The following USH2A variants were observed in gnomAD, a reference collection of about 807,000 sequenced individuals.
The protein encoded by USH2A is Usher syndrome 2A (autosomal recessive, mild).
USH2A carries 443 observed loss-of-function variants against 538.9 expected under a neutral mutation model. The ratio of observed to expected loss-of-function variants is 0.82; its 90% CI spans 0.76 to 0.89. The LOEUF is 0.89. Ranked by LOEUF, USH2A falls within the 40% of genes least tolerant of loss-of-function variation. The probability of loss-of-function intolerance (pLI) is 0.00; values close to 1 mark genes in which losing one functional copy is unlikely to be tolerated. For missense variants in USH2A, 6,633 were observed against 6,324.8 expected (o/e 1.05, Z -1.65); for synonymous variants, 2,413 against 2,273.5 (o/e 1.06, Z -1.75).
intron 4 of USH2A, among the ~76,000 whole-genome samples, chr1:216,352,331 T>C (rs981964914): frequency 1.3e-5 from 2 of 151,496 alleles, no homozygotes; most frequent in Non-Finnish European, 2.9e-5. Context: ...GATGATGGAG[T>C]GTTAGATGCC....
intron 49 of USH2A, 132 bp from the exon 50 acceptor site, chr1:215,799,257 T>C (rs1662243704): frequency 1.8e-6 from 2 of 1,136,402 alleles, no homozygotes; most frequent in Non-Finnish European, 2.5e-6. Context: ...TAATATCATA[T>C]TGGAGTTGCA....
rs147514224 is a variant in USH2A, at chr1:215,974,546, A to G, written c.6806-3770T>C. ...TCTATTGTCATCTTTATGTCCATGAATACCCAATGTTTAGCTCCCACTTAT... is the reference window on the plus strand; with the variant it reads ...TCTATTGTCATCTTTATGTCCATGAGTACCCAATGTTTAGCTCCCACTTAT... On this transcript the variant is annotated intron_variant, in intron 35 of 71. Coordinates refer to ENST00000307340, the MANE Select transcript of USH2A (RefSeq NM_206933.4). 3.7e-3 allele frequency among the ~76,000 whole-genome samples: 570 copies of G among 152,184 alleles called. 3 individuals are homozygous for G. The highest frequency in any genetic ancestry group is 6.8e-3 in the Middle Eastern group (2 of 294).
chr1:216,281,071 T>A (rs1202040515), intron 11 of USH2A, among the ~76,000 whole-genome samples: 1 of 152,220 alleles, frequency 6.6e-6, no homozygotes, highest in Non-Finnish European at 1.5e-5. Flanking sequence ...TTTATAACAT[T>A]ATTTAGGTAA....
At chr1:216,143,586 G>T (rs772933117) in intron 21 of USH2A, among the ~76,000 whole-genome samples, 2 of 152,020 alleles carry the variant, frequency 1.3e-5, no homozygotes, top group Non-Finnish European at 1.5e-5. Context: ...GTTTTTTAAA[G>T]AACCCAATAA....
rs1663780999 is a variant in USH2A at position 215,844,401 on chromosome 1, T to C, written c.9151A>G (p.Thr3051Ala). Residue 3051 changes from threonine to alanine, a missense_variant, in exon 46 of 72, where the codon ACT (threonine) becomes GCT (alanine). Thr to Ala is a moderately conservative substitution (Grantham distance 58). Transcript: ENST00000307340. ...TTATTTACATAGATAGAATACTCAG[T>C]GACAACACCATTTGGGTTTGAAGGA... is the stretch of plus-strand genomic sequence containing the variant. The part of the protein sequence containing the change: ...TSPSNPNGVV[T>A]EYSIYVNNKL... The C allele has an allele frequency of 6.2e-7, 1 of 1,613,602 alleles. No individual in the cohort carries two copies.
intron 46 of USH2A, among the ~76,000 whole-genome samples, chr1:215,839,804 C>T: frequency 6.6e-6 from 1 of 151,906 alleles, no homozygotes; most frequent in East Asian, 1.9e-4. Flanking sequence ...AGAGGTAAAA[C>T]TGAATAAAAA....
At chr1:216,092,678 T>C (rs1306202558) in intron 22 of USH2A, among the ~76,000 whole-genome samples, 2 of 152,126 alleles carry the variant, frequency 1.3e-5, no homozygotes, top group Non-Finnish European at 2.9e-5. Flanking sequence ...GAGTATAAAT[T>C]CATTGGAAGT....
At chr1:215,632,218 G>A (rs894994926) in intron 70 of USH2A, among the ~76,000 whole-genome samples, 2 of 151,882 alleles carry the variant, frequency 1.3e-5, no homozygotes, top group African/African-American at 2.4e-5. Context: ...GTGAGCCACC[G>A]AGCCTGGCCC....
chr1:216,410,481 T>C (rs1413058116), intron 3 of USH2A, among the ~76,000 whole-genome samples: 1 of 152,014 alleles, frequency 6.6e-6, no homozygotes, highest in African/African-American at 2.4e-5. Flanking sequence ...ACTGATATTT[T>C]CTTTTGTTAC....
chr1:215,867,012 T>G lies in USH2A; in HGVS notation c.8840A>C (p.Lys2947Thr). The G allele has an allele frequency of 6.2e-7, 1 of 1,614,116 alleles. No homozygotes were observed. Among genetic ancestry groups the G allele is most frequent in the African/African-American group, 1.3e-5 (1 of 75,042 alleles). Residue 2947 changes from lysine to threonine, a missense_variant, in exon 44 of 72, where the codon AAA (lysine) becomes ACA (threonine). Coordinates refer to ENST00000307340, the MANE Select transcript of USH2A (RefSeq NM_206933.4). ...GGTATGAGAAGCTTACTTACTTGGTTTAGCCCACCTCACGTCGATGGCTGT... is the reference window on the plus strand; with the variant it reads ...GGTATGAGAAGCTTACTTACTTGGTGTAGCCCACCTCACGTCGATGGCTGT... ...NHTAIDVRWA[K>T]PTVQDLQGEV...
intron 21 of USH2A, among the ~76,000 whole-genome samples, chr1:216,160,229 G>A (rs2102628057): frequency 6.6e-6 from 1 of 151,834 alleles, no homozygotes; most frequent in South Asian, 2.1e-4. Context: ...TTCTTGAGTG[G>A]GAAGCTAATT....
At chr1:216,231,277 A>ATATAT (rs1198438407) in intron 14 of USH2A, among the ~76,000 whole-genome samples, 1 of 122,852 alleles carries the variant, frequency 8.1e-6, no homozygotes, top group African/African-American at 2.9e-5. Flanking sequence ...TATATAATAT[A>ATATAT]TATACACAGA....
chr1:216,166,009 G>A (rs2034161211), intron 21 of USH2A, among the ~76,000 whole-genome samples: 1 of 152,018 alleles, frequency 6.6e-6, no homozygotes, highest in African/African-American at 2.4e-5. Flanking sequence ...TCATCGTTAT[G>A]CCTTTGCGTC....
intron 61 of USH2A, among the ~76,000 whole-genome samples, chr1:215,713,903 T>C (rs947121236): frequency 6.6e-6 from 1 of 152,214 alleles, no homozygotes; most frequent in African/African-American, 2.4e-5. Context: ...CTGAGAGAGC[T>C]GCAATCAAAT....
rs1669204922 is a variant in USH2A, at chr1:216,034,675, TACCACTGACTGACAGACACCTGCCAGAA to T, written c.6325+11728_6325+11755del. The stretch of plus-strand genomic sequence containing the variant: ...AACTGCAAGCCACTGACTGCCAGGA[TACCACTGACTGACAGACACCTGCCAGAA>T]ACCACTGACTGTCAGAATACCACTG... On this transcript the variant is annotated intron_variant, in intron 32 of 71. Coordinates refer to ENST00000307340, the MANE Select transcript of USH2A (RefSeq NM_206933.4). Among the ~76,000 whole-genome samples, 4 of 152,112 alleles carry T rather than the reference TACCACTGACTGACAGACACCTGCCAGAA, an allele frequency of 2.6e-5. No homozygotes were observed. In the South Asian group the frequency reaches 8.3e-4, roughly 32 times the overall value.
At chr1:216,148,997 A>T in intron 21 of USH2A, among the ~76,000 whole-genome samples, 1 of 152,024 alleles carries the variant, frequency 6.6e-6, no homozygotes, top group Non-Finnish European at 1.5e-5. Context: ...TCTCATAAAA[A>T]CACACGTGCT....
At position 215,629,758 on chromosome 1, in the gene USH2A, T is replaced by TTTTTCTTTTCTTTTC. The variant is rs1164735540; in HGVS notation, c.15298-738_15298-724dup. 1.2e-4 allele frequency among the ~76,000 whole-genome samples: 18 copies of TTTTTCTTTTCTTTTC among 150,284 alleles called. No homozygotes were observed. In the South Asian group the frequency reaches 1.9e-3, roughly 16 times the overall value. Reference sequence around the variant, plus strand: ...GGTCCAATCAATGAAATGTTTCTGCTTTTTCTTTTCTTTTCTTTTTTTTTT... The same window carrying TTTTTCTTTTCTTTTC: ...GGTCCAATCAATGAAATGTTTCTGCTTTTTCTTTTCTTTTCTTTTCTTTTCTTTTCTTTTTTTTTT... On this transcript the variant is annotated intron_variant, in intron 70 of 71. Coordinates refer to ENST00000307340, the MANE Select transcript of USH2A (RefSeq NM_206933.4).
intron 58 of USH2A, among the ~76,000 whole-genome samples, chr1:215,747,845 T>C (rs998715460): frequency 6.6e-6 from 1 of 152,138 alleles, no homozygotes; most frequent in Admixed American, 6.5e-5. Context: ...AGGCTGTTGT[T>C]TGAAGCCACA....
rs1431403352 is a variant in USH2A, at chr1:215,987,322, T to C, written c.6805+5698A>G. Among the ~76,000 whole-genome samples the C allele has an allele frequency of 1.1e-4, 17 of 152,238 alleles. 1 individual carries two copies. Reference sequence around the variant, plus strand: ...ACAAATGTATTAGACAGTAATCCTTTGTGCTACTTCTCTGTGATAGCTAAT... The same window carrying C: ...ACAAATGTATTAGACAGTAATCCTTCGTGCTACTTCTCTGTGATAGCTAAT... On this transcript the variant is annotated intron_variant, in intron 35 of 71. Transcript: ENST00000307340.
Sources: gnomAD v4.1 joint callset for allele counts (sites outside exome capture counted in the v4.1 genomes callset) on GRCh38, gnomAD v4.1.1 for gene constraint, MANE v1.5 for transcripts, NCBI Gene and HGNC (gene_info 2026-07-23, HGNC 2026-07-21) for gene names.